Variants in ALPK1 observed in about 807,000 individuals in gnomAD.
ALPK1 encodes the protein alpha-protein kinase 1.
In ALPK1, 110 loss-of-function variants were observed where a neutral mutation model predicts 120.6. The ratio of observed to expected loss-of-function variants is 0.91; its 90% CI spans 0.78 to 1.07. The LOEUF is 1.07. Ranked by LOEUF, ALPK1 falls within the 50% of genes least tolerant of loss-of-function variation. The pLI is 0.00. For missense variants in ALPK1, 1,498 were observed against 1,483.9 expected, an observed-to-expected ratio of 1.01 and a Z score of -0.16; for synonymous variants, 582 against 560.3, an observed-to-expected ratio of 1.04 and a Z score of -0.55.
intron 1 of ALPK1, among the ~76,000 whole-genome samples, chr4:112,312,867 C>A (rs1194840283): frequency 6.6e-6 from 1 of 152,194 alleles, no homozygotes; most frequent in African/African-American, 2.4e-5. Flanking sequence ...CTACAGCTGC[C>A]CATGCACAAA....
At chr4:112,430,196 G>A (rs998154803) in intron 10 of ALPK1, among the ~76,000 whole-genome samples, 1 of 152,152 alleles carries the variant, frequency 6.6e-6, no homozygotes, top group African/African-American at 2.4e-5. Context: ...CAATAGGATG[G>A]TAATTGAAGC....
At position 112,420,829 on chromosome 4, in the gene ALPK1, T is replaced by C. The variant is rs185664904; in HGVS notation, c.476-3115T>C. Among the ~76,000 whole-genome samples the C allele has an allele frequency of 1.9e-3, 279 of 145,932 alleles. 1 individual carries two copies. The highest frequency in any genetic ancestry group is 6.6e-3 in the African/African-American group (265 of 40,310). On this transcript the variant is annotated intron_variant, in intron 5 of 15. Coordinates refer to ENST00000650871, the MANE Select transcript of ALPK1 (RefSeq NM_025144.4). ...TAAAATGCATGTATATACTCATACATACATAGAGAGAAAGAGAGAGAGAGA... is the reference window on the plus strand; with the variant it reads ...TAAAATGCATGTATATACTCATACACACATAGAGAGAAAGAGAGAGAGAGA...
chr4:112,320,400 T>C (rs1434530715), intron 2 of ALPK1, among the ~76,000 whole-genome samples: 2 of 152,216 alleles, frequency 1.3e-5, no homozygotes, highest in East Asian at 3.8e-4. Context: ...AAACCCACTT[T>C]ATCATGGTCG....
rs1734879944 is a variant in ALPK1, at chr4:112,438,451, G to A, written c.3189-33G>A. ...CTCCATAGTAAGTAAGACCACTTTT[G>A]CATTTTGTTGTGTGGATTTTCTTTG... is the stretch of plus-strand genomic sequence containing the variant. On this transcript the variant is annotated intron_variant, in intron 12 of 15. Transcript: ENST00000650871. 5 of 1,604,260 alleles carry A rather than the reference G, an allele frequency of 3.1e-6. No homozygotes were observed. In the East Asian group the frequency reaches 8.9e-5, roughly 29 times the overall value.
intron 7 of ALPK1, 47 bp from the exon 8 acceptor site, chr4:112,426,420 A>G: frequency 7.0e-7 from 1 of 1,432,192 alleles, no homozygotes; most frequent in East Asian, 2.3e-5. Flanking sequence ...CACAGATACT[A>G]GCTGTTCCTC....
rs1293713084 is a variant in ALPK1 at position 112,313,266 on chromosome 4, C to T, written c.-152-2535C>T. Among the ~76,000 whole-genome samples, 3 of 152,294 alleles carry T rather than the reference C, an allele frequency of 2.0e-5. No individual in the cohort carries two copies. In the South Asian group the frequency reaches 6.2e-4, roughly 32 times the overall value. ...GAGACTGAGCCTTTGCATACTCCAA[C>T]ATCAAGAGATCTAGAAGAAGAGGAG... On this transcript the variant is annotated intron_variant, in intron 1 of 15. Coordinates refer to ENST00000650871, the MANE Select transcript of ALPK1 (RefSeq NM_025144.4).
Position 112,429,064 on chromosome 4 carries a change from G to A in ALPK1, c.796-85G>A, listed in dbSNP as rs181383075. 1.9e-3 allele frequency: 2,352 copies of A among 1,271,086 alleles called. 5 individuals carry two copies. Among genetic ancestry groups the A allele is most frequent in the Non-Finnish European group, 1.9e-3 (1,632 of 877,776 alleles). The allele number at this position is 1,271,086 out of a possible 1,614,324, so 78.7% of individuals were successfully genotyped here. On this transcript the variant is annotated intron_variant, in intron 9 of 15. Transcript: ENST00000650871. ...TGAGGAGTCCCTTGAAATCATGAAA[G>A]AAAAGCAAAACCATTTCATAGCCTG...
intron 2 of ALPK1, among the ~76,000 whole-genome samples, chr4:112,375,829 C>A (rs1731633719): frequency 3.9e-5 from 6 of 151,956 alleles, no homozygotes; most frequent in Admixed American, 3.9e-4. Context: ...TTCAACATGC[C>A]TTTCTCTCTC....
chr4:112,331,298 C>T (rs538878886), intron 2 of ALPK1, among the ~76,000 whole-genome samples: 26 of 152,152 alleles, frequency 1.7e-4, no homozygotes, highest in Admixed American at 9.2e-4. Flanking sequence ...CAGTGGGAGA[C>T]CTTTGGTGGA....
chr4:112,430,481 A>G lies in ALPK1; in HGVS notation c.934A>G (p.Ser312Gly), dbSNP rs1734487483. ...TGGCACGTGTTTATTGTCCTACAGT[A>G]GTTCAAATGACTGTCCTCCAGAATT... Reference protein sequence around the residue: ...IRGTCLLSYSSSNDCPPELKN... With the variant: ...IRGTCLLSYSGSNDCPPELKN... Residue 312 changes from serine to glycine, a missense_variant, in exon 11 of 16, where the codon AGT (serine) becomes GGT (glycine). Transcript: ENST00000650871. 6.2e-7 allele frequency: 1 copy of G among 1,611,822 alleles called. No homozygotes were observed. The highest frequency in any genetic ancestry group is 1.3e-5 in the African/African-American group (1 of 74,714).
In ALPK1 at chr4:112,437,349, A is replaced by G. The variant is rs114972997; in HGVS notation, c.3189-1135A>G. On this transcript the variant is annotated intron_variant, in intron 12 of 15. Coordinates refer to ENST00000650871, the MANE Select transcript of ALPK1 (RefSeq NM_025144.4). ...AGTTTACCATGAACAAATCCTCACT[A>G]AAGAAAAATGATCCCAGAAAAAAAA... Among the ~76,000 whole-genome samples, 378 of 152,276 alleles carry G rather than the reference A, an allele frequency of 2.5e-3. 2 individuals are homozygous for G. Among genetic ancestry groups the G allele is most frequent in the Admixed American group, 0.013 (199 of 15,296 alleles).
intron 8 of ALPK1, among the ~76,000 whole-genome samples, chr4:112,427,345 TTA>T (rs1408067591): frequency 1.4e-5 from 2 of 138,948 alleles, no homozygotes; most frequent in African/African-American, 5.5e-5. Flanking sequence ...TGTATAATTA[TTA>T]TATACATGTT....
chr4:112,357,019 G>C (rs1361568311), intron 2 of ALPK1: 1 of 790,664 alleles, frequency 1.3e-6, no homozygotes, highest in Non-Finnish European at 2.3e-6. Flanking sequence ...AGCCCCAACC[G>C]GAGTTCAGCG....
chr4:112,416,642 G>A (rs1733758016), intron 5 of ALPK1, among the ~76,000 whole-genome samples: 1 of 152,096 alleles, frequency 6.6e-6, no homozygotes, highest in Admixed American at 6.6e-5. Context: ...AGGAGGCCAA[G>A]GTGGGAGGGA....
At chr4:112,377,387 G>C (rs1446259292) in intron 2 of ALPK1, among the ~76,000 whole-genome samples, 1 of 152,162 alleles carries the variant, frequency 6.6e-6, no homozygotes, top group Non-Finnish European at 1.5e-5. Context: ...GTACGCAGAA[G>C]ATAAATCATG....
At chr4:112,367,507 A>C (rs1228427092) in intron 2 of ALPK1, among the ~76,000 whole-genome samples, 1 of 152,218 alleles carries the variant, frequency 6.6e-6, no homozygotes, top group Non-Finnish European at 1.5e-5. Context: ...TATTTACATT[A>C]GGTATCATAA....
intron 2 of ALPK1, among the ~76,000 whole-genome samples, chr4:112,327,990 G>A (rs548449578): frequency 6.6e-6 from 1 of 152,304 alleles, no homozygotes; most frequent in African/African-American, 2.4e-5. Context: ...GGAGGCACAC[G>A]TGAATTCTCA....
intron 2 of ALPK1, among the ~76,000 whole-genome samples, chr4:112,326,360 C>T (rs930652792): frequency 6.6e-6 from 1 of 152,090 alleles, no homozygotes. Context: ...AGGGGTCATG[C>T]AAAGCCATCA....
chr4:112,416,227 C>T (rs1733741365), intron 5 of ALPK1, among the ~76,000 whole-genome samples: 1 of 152,144 alleles, frequency 6.6e-6, no homozygotes, highest in African/African-American at 2.4e-5. Context: ...AAGATTCTAA[C>T]CACGTGCCTG....
Sources: allele counts gnomAD v4.1 joint callset (sites outside exome capture counted in the v4.1 genomes callset), GRCh38; gene constraint gnomAD v4.1.1; transcripts MANE v1.5; gene names NCBI Gene and HGNC (gene_info 2026-07-23, HGNC 2026-07-21).